The following CRISPLD2 variants were observed in gnomAD, a reference collection of about 807,000 sequenced individuals.
The protein encoded by CRISPLD2 is cysteine rich secretory protein LCCL domain containing 2.
CRISPLD2 carries 47 observed loss-of-function variants against 71.1 expected under a neutral mutation model. The observed-to-expected ratio is 0.66, with a 90% CI of 0.52 to 0.84. The LOEUF is 0.84. CRISPLD2 is among the 40% of genes least tolerant of loss of function. The pLI is 0.00. For synonymous variants in CRISPLD2, 317 were observed against 250.1 expected, an observed-to-expected ratio of 1.27 and a Z score of -2.52; for missense variants, 830 against 651.1, an observed-to-expected ratio of 1.27 and a Z score of -2.99.
chr16:84,867,070 G>A (rs1210735680), intron 7 of CRISPLD2, 30 bp downstream of exon 7: 2 of 1,604,024 alleles, frequency 1.2e-6, no homozygotes, highest in Non-Finnish European at 1.7e-6. Context: ...CGCCCCTCCT[G>A]CCCTCCCAGC....
intron 14 of CRISPLD2, among the ~76,000 whole-genome samples, chr16:84,900,688 C>G (rs1161439536): frequency 1.3e-5 from 2 of 152,110 alleles, no homozygotes; most frequent in Non-Finnish European, 2.9e-5. Context: ...CTCCTAGGCG[C>G]TCACTCTCAG....
At chr16:84,862,011 C>T (rs1917397311) in intron 6 of CRISPLD2, among the ~76,000 whole-genome samples, 1 of 152,168 alleles carries the variant, frequency 6.6e-6, no homozygotes, top group African/African-American at 2.4e-5. Context: ...GTGGGAAGTA[C>T]CTGCAATGTG....
At chr16:84,882,102 A>G (rs2143321299) in intron 13 of CRISPLD2, among the ~76,000 whole-genome samples, 1 of 152,218 alleles carries the variant, frequency 6.6e-6, no homozygotes, top group East Asian at 1.9e-4. Flanking sequence ...TCTACCATTA[A>G]GAGACAGAGG....
chr16:84,861,763 A>C (rs1157602894), intron 6 of CRISPLD2, among the ~76,000 whole-genome samples: 1 of 152,146 alleles, frequency 6.6e-6, no homozygotes, highest in East Asian at 1.9e-4. Context: ...ATCTCTACAA[A>C]AAATAAATAG....
At chr16:84,836,464 G>GC in intron 1 of CRISPLD2, 1 of 152,322 alleles carries the variant, frequency 6.6e-6, no homozygotes, top group Non-Finnish European at 1.5e-5. Context: ...TCCCCACGCA[G>GC]CCCCGGGCTC....
Position 84,909,178 on chromosome 16 carries a change from C to A in CRISPLD2, c.*2536C>A, listed in dbSNP as rs959836309. The stretch of plus-strand genomic sequence containing the variant: ...AAAAGATCTTGTACCAAGCCAACGG[C>A]GTTCCTGGCTCTCCTGCCCACAGGA... On this transcript the variant is annotated 3_prime_UTR_variant, in exon 15 of 15. Transcript: ENST00000262424. 2.6e-5 allele frequency: 4 copies of A among 152,642 alleles called. No homozygotes were observed. The highest frequency in any genetic ancestry group is 5.9e-5 in the Non-Finnish European group (4 of 68,040). The allele number at this position is 152,642 out of a possible 1,614,324, so 9.5% of individuals were successfully genotyped here. A position where few individuals can be genotyped will look rare whatever the true frequency, so the allele number is the denominator to read the frequency against.
chr16:84,852,344 G>A (rs1469029593), intron 5 of CRISPLD2, among the ~76,000 whole-genome samples: 2 of 96,468 alleles, frequency 2.1e-5, no homozygotes, highest in African/African-American at 5.6e-5. Context: ...CCATGCCCCA[G>A]AGGCTCTCTC....
intron 6 of CRISPLD2, 94 bp downstream of exon 6, chr16:84,854,923 A>G: frequency 1.0e-6 from 1 of 980,784 alleles, no homozygotes; most frequent in Non-Finnish European, 1.6e-6. Flanking sequence ...TAAAGAAGTC[A>G]GTCACCCCTC....
rs760000874 is a variant in CRISPLD2, at chr16:84,838,464, G to A, written c.-32G>A. ...CTGCCCGAGGAGCCCAGGCTGCCCC[G>A]TGAGTCCCATAGTTGCTGCAGGAGT... On this transcript the variant is annotated 5_prime_UTR_variant, in exon 2 of 15. It adds an upstream start codon to the 5' untranslated region. Coordinates refer to ENST00000262424, the MANE Select transcript of CRISPLD2 (RefSeq NM_031476.4). 1.5e-5 allele frequency: 24 copies of A among 1,600,508 alleles called. No homozygotes were observed. The highest frequency in any genetic ancestry group is 5.0e-5 in the Admixed American group (3 of 59,526).
At chr16:84,825,328 C>T (rs1038671206) in intron 1 of CRISPLD2, among the ~76,000 whole-genome samples, 1 of 152,100 alleles carries the variant, frequency 6.6e-6, no homozygotes, top group Non-Finnish European at 1.5e-5. Flanking sequence ...TTTGGGAGGT[C>T]TAGGCGGGAG....
intron 14 of CRISPLD2, among the ~76,000 whole-genome samples, chr16:84,906,134 C>T (rs145375933): frequency 6.6e-6 from 1 of 152,206 alleles, no homozygotes; most frequent in African/African-American, 2.4e-5. Context: ...CCGTTTCCTC[C>T]CCTGTGAACG....
chr16:84,869,486 G>A (rs1317212412), intron 8 of CRISPLD2, among the ~76,000 whole-genome samples: 1 of 152,228 alleles, frequency 6.6e-6, no homozygotes, highest in Non-Finnish European at 1.5e-5. Context: ...ATATCGCAAG[G>A]GTTTGGAATT....
rs972373667 is a variant in CRISPLD2, at chr16:84,906,809, C to G, written c.*167C>G. On this transcript the variant is annotated 3_prime_UTR_variant, in exon 15 of 15. Transcript: ENST00000262424. Reference sequence around the variant, plus strand: ...TGGGTGAGGTGACATCTCATCCCCTCACTGAAGCAACAGCATCCCAAGGTG... The same window carrying G: ...TGGGTGAGGTGACATCTCATCCCCTGACTGAAGCAACAGCATCCCAAGGTG... 5.1e-6 allele frequency: 4 copies of G among 790,576 alleles called. No homozygotes were observed. Among genetic ancestry groups the G allele is most frequent in the South Asian group, 4.4e-5 (3 of 68,964 alleles). 49.0% of individuals were successfully genotyped at this position (790,576 alleles called of 1,614,324 possible). A position where few individuals can be genotyped will look rare whatever the true frequency, so the allele number is the denominator to read the frequency against.
chr16:84,875,382 T>TAAACATGAG, intron 11 of CRISPLD2, among the ~76,000 whole-genome samples: 1 of 150,054 alleles, frequency 6.7e-6, no homozygotes, highest in East Asian at 2.0e-4. Flanking sequence ...CACAAATTTG[T>TAAACATGAG]AAACATGAGA....
At chr16:84,861,203 C>G (rs1019167760) in intron 6 of CRISPLD2, among the ~76,000 whole-genome samples, 2 of 152,120 alleles carry the variant, frequency 1.3e-5, no homozygotes, top group Admixed American at 1.3e-4. Flanking sequence ...ATTAAGCAGC[C>G]AACTCCAGAA....
rs182939468 is a variant in CRISPLD2 at position 84,895,262 on chromosome 16, G to A, written c.1439+5899G>A. Reference sequence around the variant, plus strand: ...CAGAGCTGGGACTCAAACCTAGGCCGCCTGTACCAGAATCCATGCTTTTAA... The same window carrying A: ...CAGAGCTGGGACTCAAACCTAGGCCACCTGTACCAGAATCCATGCTTTTAA... On this transcript the variant is annotated intron_variant, in intron 14 of 14. Coordinates refer to ENST00000262424, the MANE Select transcript of CRISPLD2 (RefSeq NM_031476.4). Among the ~76,000 whole-genome samples, 600 of 152,272 alleles carry A rather than the reference G, an allele frequency of 3.9e-3. 1 individual carries two copies. The highest frequency in any genetic ancestry group is 0.01 in the Middle Eastern group (3 of 294).
At chr16:84,898,995 C>G (rs2071730313) in intron 14 of CRISPLD2, among the ~76,000 whole-genome samples, 1 of 152,182 alleles carries the variant, frequency 6.6e-6, no homozygotes, top group Non-Finnish European at 1.5e-5. Context: ...TGGACTCAAG[C>G]AATCCTCCCA....
chr16:84,853,973 C>T (rs1372996582), intron 5 of CRISPLD2, among the ~76,000 whole-genome samples: 5 of 152,244 alleles, frequency 3.3e-5, no homozygotes, highest in African/African-American at 1.2e-4. Context: ...ACCACCTCTA[C>T]CTGGCCCCTG....
chr16:84,826,798 G>A (rs768956137), intron 1 of CRISPLD2, among the ~76,000 whole-genome samples: 2 of 151,946 alleles, frequency 1.3e-5, no homozygotes, highest in African/African-American at 2.4e-5. Flanking sequence ...TTTATCTGGG[G>A]CCTGACACAT....
Sources: allele counts gnomAD v4.1 joint callset (sites outside exome capture counted in the v4.1 genomes callset), GRCh38; gene constraint gnomAD v4.1.1; transcripts MANE v1.5; gene names NCBI Gene and HGNC (gene_info 2026-07-23, HGNC 2026-07-21).